The following RIMS2 variants were observed in gnomAD, a reference collection of about 807,000 sequenced individuals.
The protein encoded by RIMS2 is regulating synaptic membrane exocytosis protein 2.
RIMS2 carries 59 observed loss-of-function variants against 174.4 expected under a neutral mutation model. That is an observed-to-expected ratio of 0.34 (90% CI 0.27 to 0.42). The LOEUF is 0.42. Ranked by LOEUF, RIMS2 falls within the 10% of genes least tolerant of loss-of-function variation. RIMS2 has a pLI of 1.00. For missense variants in RIMS2, 1,620 were observed against 1,666.3 expected, an observed-to-expected ratio of 0.97 and a Z score of 0.48; for synonymous variants, 606 against 572.5, an observed-to-expected ratio of 1.06 and a Z score of -0.84.
intron 3 of RIMS2, among the ~76,000 whole-genome samples, chr8:103,791,666 C>A (rs919167578): frequency 6.6e-6 from 1 of 152,108 alleles, no homozygotes; most frequent in African/African-American, 2.4e-5. Flanking sequence ...ATGCTGTGTT[C>A]AGGAGAACCA....
chr8:103,819,241 A>G, intron 3 of RIMS2: 1 of 1,269,756 alleles, frequency 7.9e-7, no homozygotes, highest in Non-Finnish European at 1.0e-6. Flanking sequence ...GGGAATGCCC[A>G]AAAAGCTTAC....
chr8:104,144,885 A>G (rs534336555), intron 19 of RIMS2, among the ~76,000 whole-genome samples: 2 of 152,228 alleles, frequency 1.3e-5, no homozygotes, highest in South Asian at 2.1e-4. Context: ...TGGGATTTGA[A>G]TTTACCTGTG....
intron 19 of RIMS2, among the ~76,000 whole-genome samples, chr8:104,226,358 C>T (rs754427564): frequency 6.6e-6 from 1 of 152,160 alleles, no homozygotes. Flanking sequence ...TCTTCCAGTT[C>T]CATATTCACA....
chr8:103,956,438 A>G (rs1056278693), intron 14 of RIMS2, among the ~76,000 whole-genome samples: 30 of 152,194 alleles, frequency 2.0e-4, no homozygotes, highest in Admixed American at 6.5e-5. Context: ...AGCCTCAGAA[A>G]TAATGCCACA....
chr8:104,069,784 T>C (rs1158734113), intron 19 of RIMS2, among the ~76,000 whole-genome samples: 2 of 152,268 alleles, frequency 1.3e-5, no homozygotes, highest in East Asian at 3.9e-4. Flanking sequence ...GTTCTTGTAC[T>C]CCATTACCTT....
intron 19 of RIMS2, among the ~76,000 whole-genome samples, chr8:104,215,908 A>C (rs2099127715): frequency 6.6e-6 from 1 of 152,216 alleles, no homozygotes; most frequent in South Asian, 2.1e-4. Flanking sequence ...TATAGTAGTT[A>C]TTATGGGCAG....
At position 104,175,313 on chromosome 8, in the gene RIMS2, G is replaced by T. The variant is rs139505881; in HGVS notation, c.3335-69603G>T. 8.0e-3 allele frequency among the ~76,000 whole-genome samples: 1,206 copies of T among 150,626 alleles called. 21 individuals are homozygous for T. The highest frequency in any genetic ancestry group is 0.028 in the African/African-American group (1,155 of 41,030). Reference sequence around the variant, plus strand: ...TGTTAACTTTAAAAAATTTTTTTGTGTATATATTTTTATTGTAGGTGTATA... The same window carrying T: ...TGTTAACTTTAAAAAATTTTTTTGTTTATATATTTTTATTGTAGGTGTATA... On this transcript the variant is annotated intron_variant, in intron 19 of 23. Coordinates refer to ENST00000504942, the Ensembl canonical transcript of RIMS2.
At chr8:104,202,256 G>T (rs994109284) in intron 19 of RIMS2, among the ~76,000 whole-genome samples, 2 of 152,086 alleles carry the variant, frequency 1.3e-5, no homozygotes, top group African/African-American at 4.8e-5. Flanking sequence ...AAGTACTTAG[G>T]ACATATTTAA....
At chr8:103,589,251 A>G (rs755150106) in intron 1 of RIMS2, among the ~76,000 whole-genome samples, 10 of 151,690 alleles carry the variant, frequency 6.6e-5, no homozygotes, top group South Asian at 2.1e-4. Flanking sequence ...CTAATAATCC[A>G]TTTAAAAATG....
intron 1 of RIMS2, among the ~76,000 whole-genome samples, chr8:103,662,784 T>A (rs1204518595): frequency 6.6e-6 from 1 of 152,200 alleles, no homozygotes; most frequent in East Asian, 1.9e-4. Flanking sequence ...TTTTTACATA[T>A]TTTTAATGTC....
intron 1 of RIMS2, chr8:103,559,380 C>T (rs17806929): frequency 0.073 from 24,016 of 327,122 alleles, 1,164 homozygotes; most frequent in Non-Finnish European, 0.086. Context: ...CTGGTGTCCA[C>T]GGCTGCTTCA....
At chr8:103,549,214 C>T (rs1459402675) in intron 1 of RIMS2, among the ~76,000 whole-genome samples, 1 of 151,878 alleles carries the variant, frequency 6.6e-6, no homozygotes, top group Non-Finnish European at 1.5e-5. Flanking sequence ...TAAGGGCAGC[C>T]AGAGAGAATG....
rs535298085 is a variant in RIMS2 at position 104,222,231 on chromosome 8, G to C, written c.3335-22685G>C. Among the ~76,000 whole-genome samples, 7 of 152,158 alleles carry C rather than the reference G, an allele frequency of 4.6e-5. No homozygotes were observed. In the East Asian group the frequency reaches 9.6e-4, roughly 21 times the overall value. On this transcript the variant is annotated intron_variant, in intron 19 of 23. Coordinates refer to ENST00000504942, the Ensembl canonical transcript of RIMS2. ...TGCAACTAAAATGTAAGCTTCATGA[G>C]AGCAGGGATTTTTTTTAGCTGCTTT...
chr8:103,695,116 G>A (rs2097083471), intron 1 of RIMS2, among the ~76,000 whole-genome samples: 1 of 152,190 alleles, frequency 6.6e-6, no homozygotes, highest in Non-Finnish European at 1.5e-5. Context: ...TTTATGCTGT[G>A]TTGTCTGTGG....
At chr8:103,767,835 TCTTGTG>T (rs2098194702) in intron 3 of RIMS2, among the ~76,000 whole-genome samples, 1 of 152,208 alleles carries the variant, frequency 6.6e-6, no homozygotes, top group African/African-American at 2.4e-5. Flanking sequence ...ATCATCTTAA[TCTTGTG>T]GGGACTTCCT....
At chr8:104,095,369 C>T (rs538358709) in intron 19 of RIMS2, among the ~76,000 whole-genome samples, 8 of 152,158 alleles carry the variant, frequency 5.3e-5, no homozygotes, top group African/African-American at 1.4e-4. Flanking sequence ...GAATAGATGC[C>T]TTAGGGTTTA....
At chr8:104,188,291 T>A (rs1471725098) in intron 19 of RIMS2, among the ~76,000 whole-genome samples, 1 of 149,812 alleles carries the variant, frequency 6.7e-6, no homozygotes, top group East Asian at 2.0e-4. Flanking sequence ...TATAAAATCA[T>A]CTAGATATAA....
chr8:104,149,302 A>G (rs2098670233), intron 19 of RIMS2, among the ~76,000 whole-genome samples: 1 of 152,202 alleles, frequency 6.6e-6, no homozygotes, highest in African/African-American at 2.4e-5. Context: ...CTTCCTTTTC[A>G]GTTTGTAAGC....
chr8:104,130,811 A>C (rs2098468228), intron 19 of RIMS2, among the ~76,000 whole-genome samples: 1 of 152,176 alleles, frequency 6.6e-6, no homozygotes, highest in Non-Finnish European at 1.5e-5. Context: ...GAGACTTAGT[A>C]AACCAAGTGG....
Sources: allele counts gnomAD v4.1 joint callset (sites outside exome capture counted in the v4.1 genomes callset), GRCh38; gene constraint gnomAD v4.1.1; transcripts MANE v1.5; gene names NCBI Gene and HGNC (gene_info 2026-07-23, HGNC 2026-07-21).